The following TMEM131 variants were observed in gnomAD, a reference collection of about 807,000 sequenced individuals.
TMEM131 encodes the protein 2610524E03Rik.
A neutral mutation model predicts 211.6 loss-of-function variants in TMEM131; 66 were observed. The ratio of observed to expected loss-of-function variants is 0.31; its 90% CI spans 0.26 to 0.38. The LOEUF (loss-of-function observed/expected upper bound fraction) is 0.38. TMEM131 is among the 10% of genes least tolerant of loss of function. The pLI is 1.00. For synonymous variants in TMEM131, 844 were observed against 841.3 expected, an observed-to-expected ratio of 1.00 and a Z score of -0.06; for missense variants, 2,036 against 2,299.3, an observed-to-expected ratio of 0.89 and a Z score of 2.34.
At chr2:97,780,211 G>A (rs1400587051) in intron 31 of TMEM131, among the ~76,000 whole-genome samples, 3 of 152,174 alleles carry the variant, frequency 2.0e-5, no homozygotes, top group African/African-American at 7.2e-5. Context: ...TGGTGGATAG[G>A]TGCTGTCATT....
intron 4 of TMEM131, among the ~76,000 whole-genome samples, chr2:97,876,413 T>C (rs1674696141): frequency 6.6e-6 from 1 of 152,156 alleles, no homozygotes; most frequent in Non-Finnish European, 1.5e-5. Flanking sequence ...AAAAGAAAAT[T>C]TCAGGCCAAT....
intron 3 of TMEM131, among the ~76,000 whole-genome samples, chr2:97,892,223 CTTA>C (rs1212290588): frequency 6.6e-6 from 1 of 152,066 alleles, no homozygotes; most frequent in Non-Finnish European, 1.5e-5. Flanking sequence ...GAATGTCTGT[CTTA>C]TTATTCAGTT....
Position 97,887,934 on chromosome 2 carries a change from TG to T in TMEM131, c.359+117del, listed in dbSNP as rs926903863. On this transcript the variant is annotated intron_variant, in intron 4 of 40. Transcript: ENST00000186436. ...CATTCAGTATCATTTGTTTTCCTGA[TG>T]ACTAGAACATGTAACTTTCCCACAT... 5.4e-6 allele frequency: 4 copies of T among 735,496 alleles called. No homozygotes were observed. In the African/African-American group the frequency reaches 7.1e-5, roughly 13 times the overall value. The allele number at this position is 735,496 out of a possible 1,614,324, so 45.6% of individuals were successfully genotyped here.
chr2:97,758,915 C>G lies in TMEM131; in HGVS notation c.5345G>C (p.Gly1782Ala). The G allele has an allele frequency of 6.2e-7, 1 of 1,612,990 alleles. No individual in the cohort carries two copies. The highest frequency in any genetic ancestry group is 8.5e-7 in the Non-Finnish European group (1 of 1,179,408). The change falls in exon 40 of 41, where the codon GGC becomes GCC. Residue 1782 changes from glycine to alanine, a missense_variant. By Grantham distance (60) the Gly-to-Ala change is moderately conservative (BLOSUM62 0). Coordinates refer to ENST00000186436, the MANE Select transcript of TMEM131 (RefSeq NM_015348.2). ...DPSPSWPASS[G>A]SPTHTATSVL... ...CACTGTGGCTGTGTGGGTCGGGGAG[C>G]CGGAACTGGCTGGCCAGGAAGGACT...
chr2:97,980,138 C>G (rs1679722072), intron 1 of TMEM131, among the ~76,000 whole-genome samples: 1 of 152,078 alleles, frequency 6.6e-6, no homozygotes, highest in South Asian at 2.1e-4. Flanking sequence ...CATCCCAAAA[C>G]AATTACACAA....
intron 4 of TMEM131, among the ~76,000 whole-genome samples, chr2:97,864,688 A>G (rs1012654189): frequency 1.1e-4 from 16 of 152,234 alleles, no homozygotes; most frequent in African/African-American, 3.9e-4. Flanking sequence ...ACTCCAAGAA[A>G]TAACCAAAAA....
chr2:97,851,443 T>C (rs1673624788), intron 5 of TMEM131, among the ~76,000 whole-genome samples: 1 of 152,212 alleles, frequency 6.6e-6, no homozygotes, highest in Non-Finnish European at 1.5e-5. Context: ...TGGGTGTATC[T>C]TCAAAACATA....
intron 4 of TMEM131, 86 bp downstream of exon 4, chr2:97,887,966 T>C: frequency 9.4e-7 from 1 of 1,065,990 alleles, no homozygotes. Context: ...CACATAGATG[T>C]AACACAGGCA....
chr2:97,812,676 T>C lies in TMEM131; in HGVS notation c.1691A>G (p.Asn564Ser), dbSNP rs1276371367. The C allele has an allele frequency of 7.5e-6, 12 of 1,598,484 alleles. No individual in the cohort carries two copies. The highest frequency in any genetic ancestry group is 1.0e-5 in the Non-Finnish European group (12 of 1,175,670). Residue 564 changes from asparagine (N) to serine (S), a missense_variant, in exon 16 of 41, where the codon AAT (asparagine) becomes AGT (serine). By Grantham distance (46) the Asn-to-Ser change is conservative (BLOSUM62 1). This residue lies in a region of TMEM131 where 1,623 missense variants were observed against 1,805.9 expected (regional missense o/e 0.90). Coordinates refer to ENST00000186436, the MANE Select transcript of TMEM131 (RefSeq NM_015348.2). The part of the protein sequence containing the change: ...FGVLSATEAS[N>S]ILFAIINSNP... ...GCTGTTTATAATTGCAAATAAAATA[T>C]TACTTGCTTCTGTAGCACTCAGTAC...
intron 2 of TMEM131, among the ~76,000 whole-genome samples, chr2:97,920,968 C>CGTGT (rs1553614604): frequency 9.9e-6 from 1 of 101,448 alleles, no homozygotes; most frequent in Non-Finnish European, 2.1e-5. Context: ...TAAAAAATCC[C>CGTGT]GAGTGTGTGT....
Position 97,759,381 on chromosome 2 carries a change from G to C in TMEM131, c.5206+271C>G, listed in dbSNP as rs78151597. Reference sequence around the variant, plus strand: ...TGGCACACTCAGGGGTCCCATTTCAGACCAGAACCCTTCTGTGAAGCCCTT... The same window carrying C: ...TGGCACACTCAGGGGTCCCATTTCACACCAGAACCCTTCTGTGAAGCCCTT... On this transcript the variant is annotated intron_variant, in intron 39 of 40. Transcript: ENST00000186436. 4.1e-4 allele frequency: 217 copies of C among 529,686 alleles called. 2 individuals are homozygous for C. Among genetic ancestry groups the C allele is most frequent in the African/African-American group, 3.9e-3 (205 of 52,928 alleles). The allele number at this position is 529,686 out of a possible 1,614,324, so 32.8% of individuals were successfully genotyped here.
chr2:97,993,273 G>A (rs1414726929), intron 1 of TMEM131, among the ~76,000 whole-genome samples: 1 of 152,068 alleles, frequency 6.6e-6, no homozygotes, highest in Non-Finnish European at 1.5e-5. Context: ...AAATTCCTCC[G>A]GGTGTGAATG....
chr2:97,979,012 C>T (rs1473329270), intron 1 of TMEM131, among the ~76,000 whole-genome samples: 6 of 152,284 alleles, frequency 3.9e-5, no homozygotes, highest in East Asian at 1.9e-4. Context: ...TTAGCAGGCA[C>T]GAAAACAACA....
At chr2:97,779,146 C>T (rs886556020) in intron 31 of TMEM131, among the ~76,000 whole-genome samples, 1 of 152,232 alleles carries the variant, frequency 6.6e-6, no homozygotes, top group Non-Finnish European at 1.5e-5. Context: ...TTCTACTGTG[C>T]ACCCAGGCTG....
chr2:97,955,280 A>C (rs887666167), intron 1 of TMEM131, among the ~76,000 whole-genome samples: 1 of 152,204 alleles, frequency 6.6e-6, no homozygotes, highest in African/African-American at 2.4e-5. Context: ...ACATCTCATC[A>C]TGATACAAAT....
At chr2:97,842,073 AC>A in intron 6 of TMEM131, 136 bp from the exon 7 acceptor site, 1 of 848,976 alleles carries the variant, frequency 1.2e-6, no homozygotes. Context: ...TTTAAAAAAA[AC>A]CCCCACAAAT....
intron 2 of TMEM131, among the ~76,000 whole-genome samples, chr2:97,927,144 T>A (rs1677025767): frequency 6.6e-6 from 1 of 152,200 alleles, no homozygotes; most frequent in Admixed American, 6.5e-5. Context: ...CACTCTCTAT[T>A]ACATTTCTCA....
intron 3 of TMEM131, among the ~76,000 whole-genome samples, chr2:97,905,808 G>A (rs191985086): frequency 1.5e-3 from 225 of 152,184 alleles, no homozygotes; most frequent in Non-Finnish European, 9.7e-4. Flanking sequence ...ATTCTCTGTA[G>A]AGGAACAGGC....
At chr2:97,870,595 G>C (rs1160095607) in intron 4 of TMEM131, among the ~76,000 whole-genome samples, 3 of 152,198 alleles carry the variant, frequency 2.0e-5, no homozygotes, top group Non-Finnish European at 4.4e-5. Flanking sequence ...CTATGAATTA[G>C]AGACTAGCTT....
Sources: gnomAD v4.1 joint callset for allele counts (sites outside exome capture counted in the v4.1 genomes callset) on GRCh38, gnomAD v4.1.1 for gene constraint, gnomAD v4.1.1 regional missense constraint, MANE v1.5 for transcripts, NCBI Gene and HGNC (gene_info 2026-07-23, HGNC 2026-07-21) for gene names.